The following GTF2IRD1 variants were observed in gnomAD, a reference collection of about 807,000 sequenced individuals.
GTF2IRD1 encodes the protein GTF2I repeat domain containing 1.
GTF2IRD1 carries 26 observed loss-of-function variants against 113.2 expected under a neutral mutation model. The observed-to-expected ratio is 0.23, with a 90% CI of 0.17 to 0.32. The LOEUF is 0.32. Ranked by LOEUF, GTF2IRD1 falls within the 10% of genes least tolerant of loss-of-function variation. The pLI, the probability that GTF2IRD1 is intolerant of heterozygous loss-of-function variation, is 1.00. For missense variants in GTF2IRD1, 864 were observed against 1,280.8 expected (o/e 0.67, Z 4.97); for synonymous variants, 484 against 529.1 (o/e 0.91, Z 1.17).
At chr7:74,545,413 C>T (rs1554352962) in intron 15 of GTF2IRD1, among the ~76,000 whole-genome samples, 1 of 152,070 alleles carries the variant, frequency 6.6e-6, no homozygotes, top group African/African-American at 2.4e-5. Context: ...AATTTGCAGG[C>T]TTAGTGGGTA....
intron 25 of GTF2IRD1, 41 bp from the exon 26 acceptor site, chr7:74,601,003 C>A: frequency 6.2e-7 from 1 of 1,608,442 alleles, no homozygotes; most frequent in Non-Finnish European, 8.5e-7. Flanking sequence ...GACAGAAAAG[C>A]CTCAGCTTCC....
chr7:74,475,841 G>T (rs1055676229), intron 1 of GTF2IRD1, among the ~76,000 whole-genome samples: 19 of 152,214 alleles, frequency 1.2e-4, no homozygotes, highest in Admixed American at 1.3e-4. Context: ...CACCCGCCGG[G>T]GTGACGGGGG....
intron 24 of GTF2IRD1, among the ~76,000 whole-genome samples, chr7:74,592,409 CT>C (rs1165712430): frequency 4.7e-5 from 7 of 149,650 alleles, no homozygotes; most frequent in South Asian, 4.2e-4. Context: ...CCAGCCCCCC[CT>C]TTTTTTTTGT....
rs376607848 is a variant in GTF2IRD1, at chr7:74,539,933, C to T, written c.1583C>T (p.Ser528Leu). Reference sequence around the variant, plus strand: ...GACTCGATGCCTGGGCACCTGCCATCGGAGGATTCTGGTTATGGGATGGAG... The same window carrying T: ...GACTCGATGCCTGGGCACCTGCCATTGGAGGATTCTGGTTATGGGATGGAG... Reference protein sequence around the residue: ...MTDSMPGHLPSEDSGYGMEML... With the variant: ...MTDSMPGHLPLEDSGYGMEML... The change falls in exon 14 of 27, where the codon TCG becomes TTG. Residue 528 changes from serine (S) to leucine (L), a missense_variant. Physicochemically the swap from Ser to Leu is moderately radical, Grantham distance 145. Coordinates refer to ENST00000424337, the MANE Select transcript of GTF2IRD1 (RefSeq NM_005685.4). 2.4e-4 allele frequency: 394 copies of T among 1,613,378 alleles called. 3 individuals are homozygous for T. The South Asian group carries it at 3.6e-3, about 15-fold the overall frequency.
chr7:74,594,934 CGAGT>C (rs1276570506), intron 24 of GTF2IRD1, 76 bp from the exon 25 acceptor site: 2 of 954,002 alleles, frequency 2.1e-6, no homozygotes, highest in African/African-American at 3.3e-5. Context: ...CCTGGGCAAC[CGAGT>C]GAGACTCCAT....
chr7:74,520,769 CAA>C (rs1156355118), intron 6 of GTF2IRD1, among the ~76,000 whole-genome samples: 2,905 of 48,428 alleles, frequency 0.06, 56 homozygotes, highest in Non-Finnish European at 0.085. Context: ...CTATCTCTAC[CAA>C]AAAAAAAAAA....
chr7:74,557,805 C>G (rs587691259), intron 20 of GTF2IRD1, 83 bp downstream of exon 20: 30 of 820,348 alleles, frequency 3.7e-5, no homozygotes, highest in South Asian at 7.5e-5. Context: ...CAGCCGAGGG[C>G]ATTTCTGGGG....
At position 74,558,923 on chromosome 7, in the gene GTF2IRD1, G is replaced by T. The variant is rs782374897; in HGVS notation, c.2170G>T (p.Gly724Cys). The change falls in exon 21 of 27, where the codon GGC (glycine) becomes TGC (cysteine). Residue 724 changes from glycine to cysteine, a missense_variant. By Grantham distance (159) the Gly-to-Cys change is radical. This residue lies in a region of GTF2IRD1 where 195 missense variants were observed against 359.1 expected (regional missense o/e 0.54). Coordinates refer to ENST00000424337, the MANE Select transcript of GTF2IRD1 (RefSeq NM_005685.4). ...VPYKRIKSNP[G>C]SVIIEGLPPG... ...CTACAAGCGGATCAAGAGTAACCCC[G>T]GCTCCGTGATCATCGAGGGGCTGCC... 34 of 1,613,922 alleles carry T rather than the reference G, an allele frequency of 2.1e-5. No homozygotes were observed. The highest frequency in any genetic ancestry group is 2.7e-5 in the Non-Finnish European group (32 of 1,180,000).
At chr7:74,482,933 G>A (rs553005794) in intron 1 of GTF2IRD1, among the ~76,000 whole-genome samples, 35 of 152,286 alleles carry the variant, frequency 2.3e-4, no homozygotes, top group African/African-American at 6.7e-4. Context: ...GCTGAAATTC[G>A]GATACCTCTG....
At chr7:74,479,057 C>T (rs551234318) in intron 1 of GTF2IRD1, among the ~76,000 whole-genome samples, 6 of 152,236 alleles carry the variant, frequency 3.9e-5, no homozygotes, top group South Asian at 2.1e-4. Flanking sequence ...AGCTCTGCCC[C>T]GTCCTCCATC....
intron 26 of GTF2IRD1, chr7:74,601,813 C>G (rs1489702595): frequency 1.2e-5 from 2 of 169,090 alleles, no homozygotes; most frequent in East Asian, 3.1e-4. Context: ...CATGGTGGCA[C>G]GTGCCTGTGG....
At chr7:74,541,045 T>C (rs1395883383) in intron 14 of GTF2IRD1, among the ~76,000 whole-genome samples, 4 of 150,762 alleles carry the variant, frequency 2.7e-5, no homozygotes, top group African/African-American at 9.7e-5. Context: ...ATTACAGGCG[T>C]GAGCCACCAC....
chr7:74,493,458 C>T (rs782499124), intron 1 of GTF2IRD1, among the ~76,000 whole-genome samples: 13 of 152,076 alleles, frequency 8.5e-5, no homozygotes, highest in South Asian at 4.1e-4. Flanking sequence ...AGAGCCTACC[C>T]GGCTAAGCCA....
intron 22 of GTF2IRD1, among the ~76,000 whole-genome samples, chr7:74,568,077 A>G (rs1261414205): frequency 1.3e-5 from 2 of 151,810 alleles, no homozygotes; most frequent in African/African-American, 4.8e-5. Flanking sequence ...ATGACCCACC[A>G]CACCCAGCCA....
intron 24 of GTF2IRD1, among the ~76,000 whole-genome samples, chr7:74,591,507 T>A (rs1159212673): frequency 1.3e-5 from 2 of 151,390 alleles, no homozygotes; most frequent in East Asian, 3.9e-4. Context: ...GCCTCCCAAG[T>A]AGCTGGGATT....
intron 1 of GTF2IRD1, among the ~76,000 whole-genome samples, chr7:74,465,600 C>T (rs1291790827): frequency 6.6e-6 from 1 of 152,172 alleles, no homozygotes; most frequent in Non-Finnish European, 1.5e-5. Flanking sequence ...GTGAAGAACA[C>T]TTTGTCAGCT....
At position 74,593,238 on chromosome 7, in the gene GTF2IRD1, C is replaced by T. The variant is rs587603048; in HGVS notation, c.2592-1776C>T. ...TTCAAAATCAAAAAGTGGAGGTTTC[C>T]TTTCTCCCACAGACAGTTCACCCCC... On this transcript the variant is annotated intron_variant, in intron 24 of 26. Transcript: ENST00000424337. Among the ~76,000 whole-genome samples, 7 of 151,886 alleles carry T rather than the reference C, an allele frequency of 4.6e-5. No individual in the cohort carries two copies. In the South Asian group the frequency reaches 1.0e-3, roughly 23 times the overall value.
intron 1 of GTF2IRD1, among the ~76,000 whole-genome samples, chr7:74,478,915 A>T (rs1311439022): frequency 7.3e-6 from 1 of 137,220 alleles, no homozygotes; most frequent in East Asian, 2.0e-4. Flanking sequence ...TAGGCTAATT[A>T]AAAAAAAAAA....
chr7:74,473,586 G>A lies in GTF2IRD1; in HGVS notation c.-7+19410G>A, dbSNP rs139722230. ...ATTACAGGCATGAGCCACTGCGCAC[G>A]GCTTTGGGGATTCTTATTGGCTGTG... On this transcript the variant is annotated intron_variant, in intron 1 of 26. Transcript: ENST00000424337. Among the ~76,000 whole-genome samples, 316 of 152,216 alleles carry A rather than the reference G, an allele frequency of 2.1e-3. 2 individuals carry two copies. The highest frequency in any genetic ancestry group is 6.9e-3 in the African/African-American group (288 of 41,540).
Sources: gnomAD v4.1 joint callset for allele counts (sites outside exome capture counted in the v4.1 genomes callset) on GRCh38, gnomAD v4.1.1 for gene constraint, gnomAD v4.1.1 regional missense constraint, MANE v1.5 for transcripts, NCBI Gene and HGNC (gene_info 2026-07-23, HGNC 2026-07-21) for gene names.